Variants in KY observed in about 807,000 individuals in gnomAD.
KY encodes kyphoscoliosis peptidase.
Under a neutral mutation model 76.1 loss-of-function variants are expected in KY, and 43 were observed. The ratio of observed to expected loss-of-function variants is 0.57; its 90% CI spans 0.44 to 0.73. The LOEUF (loss-of-function observed/expected upper bound fraction) is 0.73. Ranked by LOEUF, KY falls within the 30% of genes least tolerant of loss-of-function variation. The pLI, the probability that KY is intolerant of heterozygous loss-of-function variation, is 0.00. For missense variants in KY, 722 were observed against 828.9 expected (o/e 0.87, Z 1.58); for synonymous variants, 277 against 326.2 (o/e 0.85, Z 1.63).
rs1270090066 is a variant in KY at position 134,600,970 on chromosome 3, A to G, written c.*2609T>C. 2.0e-5 allele frequency: 3 copies of G among 152,252 alleles called. No homozygotes were observed. The highest frequency in any genetic ancestry group is 4.8e-5 in the African/African-American group (2 of 41,474). 9.4% of individuals were successfully genotyped at this position (152,252 alleles called of 1,614,324 possible). A position where few individuals can be genotyped will look rare whatever the true frequency, so the allele number is the denominator to read the frequency against. On this transcript the variant is annotated 3_prime_UTR_variant, in exon 11 of 11. Transcript: ENST00000423778. ...AAGTTCTGCGAAAAAGCCCGGTGAT[A>G]GATCAGCCTCGCGGTGTGCAGCGCC...
chr3:134,640,907 G>A (rs1330450954), intron 3 of KY, among the ~76,000 whole-genome samples: 3 of 152,106 alleles, frequency 2.0e-5, no homozygotes, highest in Non-Finnish European at 4.4e-5. Context: ...CTACGCATTG[G>A]ATGTCTACAA....
At chr3:134,605,698 G>T (rs182401338) in intron 10 of KY, among the ~76,000 whole-genome samples, 5 of 148,932 alleles carry the variant, frequency 3.4e-5, no homozygotes, top group African/African-American at 1.2e-4. Flanking sequence ...CCCCTCTGCC[G>T]GTCAGCTCTC....
In KY at chr3:134,603,757, C is replaced by T. The variant is rs1453109927; in HGVS notation, c.1808G>A (p.Gly603Asp). ...CCCCTTCACCAGGACTTTGGCAATA[C>T]CATGCAGCTTCAATTTGAATGGGAC... ...RNVPFKLKLH[G>D]IAKVLVKGQD... Residue 603 changes from glycine (G) to aspartate (D), a missense_variant, in exon 11 of 11, where the codon GGT becomes GAT. Around this residue, in one of 2 missense-constraint regions of KY, gnomAD observed 552 missense variants for 680.9 expected, o/e 0.81. Coordinates refer to ENST00000423778, the MANE Select transcript of KY (RefSeq NM_178554.6). 7.4e-6 allele frequency: 12 copies of T among 1,612,296 alleles called. No individual in the cohort carries two copies. Among genetic ancestry groups the T allele is most frequent in the Non-Finnish European group, 1.0e-5 (12 of 1,178,740 alleles).
intron 3 of KY, chr3:134,640,014 C>A (rs1965531569): frequency 6.6e-6 from 1 of 151,494 alleles, no homozygotes; most frequent in African/African-American, 2.5e-5. Flanking sequence ...CTTGTGATTA[C>A]TCTCCTTACA....
rs1277776042 is a variant in KY, at chr3:134,600,622, T to C, written c.*2957A>G. ...CTCCACCCTCGGTTCCCTTCTGCCCTGTGGCCTGGGGGCTGCCATCCTGAG... is the reference window on the plus strand; with the variant it reads ...CTCCACCCTCGGTTCCCTTCTGCCCCGTGGCCTGGGGGCTGCCATCCTGAG... On this transcript the variant is annotated 3_prime_UTR_variant, in exon 11 of 11. Coordinates refer to ENST00000423778, the MANE Select transcript of KY (RefSeq NM_178554.6). Among the ~76,000 whole-genome samples the C allele has an allele frequency of 2.0e-5, 3 of 152,202 alleles. No individual in the cohort carries two copies. The highest frequency in any genetic ancestry group is 4.4e-5 in the Non-Finnish European group (3 of 68,040).
chr3:134,642,250 C>G (rs188468455), intron 3 of KY, among the ~76,000 whole-genome samples: 159 of 152,316 alleles, frequency 1.0e-3, no homozygotes, highest in African/African-American at 3.8e-3. Context: ...AGGCTCCAAT[C>G]CTCCGGGGCC....
At chr3:134,632,239 G>T (rs551780254) in intron 3 of KY, among the ~76,000 whole-genome samples, 34 of 152,048 alleles carry the variant, frequency 2.2e-4, no homozygotes, top group African/African-American at 8.2e-4. Flanking sequence ...ATATATAGAA[G>T]AAATGAACTA....
chr3:134,627,798 C>T lies in KY; in HGVS notation c.358G>A (p.Gly120Arg), dbSNP rs760108135. The T allele has an allele frequency of 6.2e-7, 1 of 1,613,652 alleles. No individual in the cohort carries two copies. Among genetic ancestry groups the T allele is most frequent in the Non-Finnish European group, 8.5e-7 (1 of 1,179,572 alleles). Residue 120 changes from glycine (G) to arginine (R), a missense_variant, in exon 5 of 11, where the codon GGA becomes AGA. Transcript: ENST00000423778. ...CCAGGTTGCCGGGGTCTTGTGTTTC[C>T]ATTTTTATCACCTTGTAAACCTACA... ...LAKRLQGDKNGNTRPRQPGGK... is the reference protein window; with the variant it reads ...LAKRLQGDKNRNTRPRQPGGK...
At chr3:134,618,853 C>T (rs1381103194) in intron 8 of KY, among the ~76,000 whole-genome samples, 1 of 152,216 alleles carries the variant, frequency 6.6e-6, no homozygotes, top group Non-Finnish European at 1.5e-5. Context: ...ATTCTTTTAA[C>T]CTTCAGCTGC....
chr3:134,627,751 C>T lies in KY; in HGVS notation c.400+5G>A, dbSNP rs1465260513. 1.2e-6 allele frequency: 2 copies of T among 1,613,422 alleles called. No individual in the cohort carries two copies. The highest frequency in any genetic ancestry group is 2.7e-5 in the African/African-American group (2 of 74,928). ...AGAATTGTCCTGGAAGACTCTGGAA[C>T]TTACCATGGGCATCTTTCCCTCCAG... On this transcript the variant is annotated splice_donor_5th_base_variant and intron_variant, in intron 5 of 10. Coordinates refer to ENST00000423778, the MANE Select transcript of KY (RefSeq NM_178554.6).
chr3:134,627,625 C>T (rs1963635026), intron 5 of KY, 131 bp downstream of exon 5: 4 of 745,916 alleles, frequency 5.4e-6, no homozygotes, highest in Non-Finnish European at 9.4e-6. Context: ...CACTCTTCCC[C>T]TCCTGAACCC....
chr3:134,610,735 G>A lies in KY; in HGVS notation c.711-352C>T, dbSNP rs542283826. 6.0e-5 allele frequency: 12 copies of A among 199,252 alleles called. No individual in the cohort carries two copies. The East Asian group carries it at 9.5e-4, about 16-fold the overall frequency. The allele number at this position is 199,252 out of a possible 1,614,324, so 12.3% of individuals were successfully genotyped here. ...TCAGGAGGAAAAAATGGGGGCAAGC[G>A]TGAGGCTGGCTTCAAGAAAATAGGA... is the stretch of plus-strand genomic sequence containing the variant. On this transcript the variant is annotated intron_variant, in intron 8 of 10. Coordinates refer to ENST00000423778, the MANE Select transcript of KY (RefSeq NM_178554.6).
Position 134,643,305 on chromosome 3 carries a change from G to T in KY, c.262+11C>A. The T allele has an allele frequency of 6.2e-7, 1 of 1,613,458 alleles. No individual in the cohort carries two copies. On this transcript the variant is annotated intron_variant, in intron 3 of 10. Coordinates refer to ENST00000423778, the MANE Select transcript of KY (RefSeq NM_178554.6). Reference sequence around the variant, plus strand: ...TGCAGGGGAGGTCACGGCTAGCGGCGAATCACTTACCTTGGCTGTTGTAGG... The same window carrying T: ...TGCAGGGGAGGTCACGGCTAGCGGCTAATCACTTACCTTGGCTGTTGTAGG...
chr3:134,629,833 T>C, intron 3 of KY, 138 bp from the exon 4 acceptor site: 1 of 628,282 alleles, frequency 1.6e-6, no homozygotes, highest in East Asian at 2.8e-5. Context: ...TGTTTTTTTC[T>C]TTAAATCAAA....
chr3:134,606,155 T>C (rs1413405674), intron 10 of KY, among the ~76,000 whole-genome samples: 1 of 152,096 alleles, frequency 6.6e-6, no homozygotes, highest in Non-Finnish European at 1.5e-5. Context: ...CCTGGTCCTG[T>C]TCCATCTCAC....
At chr3:134,619,309 G>A in intron 7 of KY, 44 bp from the exon 8 acceptor site, 1 of 1,480,962 alleles carries the variant, frequency 6.8e-7, no homozygotes, top group Non-Finnish European at 9.4e-7. Flanking sequence ...GAGCCTGGGA[G>A]GCGAGAAGAC....
At position 134,600,023 on chromosome 3, in the gene KY, A is replaced by G. The variant is rs1056154704; in HGVS notation, c.*3556T>C. ...CCGGCCCACACAACTCAATGCACAC[A>G]TTATGAGAAGTAATCACCTCTTTCA... is the stretch of plus-strand genomic sequence containing the variant. On this transcript the variant is annotated 3_prime_UTR_variant, in exon 11 of 11. Coordinates refer to ENST00000423778, the MANE Select transcript of KY (RefSeq NM_178554.6). Among the ~76,000 whole-genome samples, 5 of 152,392 alleles carry G rather than the reference A, an allele frequency of 3.3e-5. No homozygotes were observed. Among genetic ancestry groups the G allele is most frequent in the Middle Eastern group, 3.4e-3 (1 of 294 alleles).
At chr3:134,640,306 C>T (rs141672779) in intron 3 of KY, among the ~76,000 whole-genome samples, 2 of 152,212 alleles carry the variant, frequency 1.3e-5, no homozygotes, top group East Asian at 3.9e-4. Context: ...AGTAGTTAAG[C>T]CCACCGCTTT....
chr3:134,638,632 G>C (rs558303703), intron 3 of KY, among the ~76,000 whole-genome samples: 7 of 152,118 alleles, frequency 4.6e-5, no homozygotes, highest in Non-Finnish European at 8.8e-5. Context: ...CCTAGACCCC[G>C]CCAGCTCTCC....
Sources: allele counts gnomAD v4.1 joint callset (sites outside exome capture counted in the v4.1 genomes callset), GRCh38; gene constraint gnomAD v4.1.1; regional missense constraint gnomAD v4.1.1; transcripts MANE v1.5; gene names NCBI Gene and HGNC (gene_info 2026-07-23, HGNC 2026-07-21).